SAMD3: variants seen among roughly 807,000 people sequenced by gnomAD.
SAMD3 encodes sterile alpha motif domain-containing protein 3.
In SAMD3, 63 loss-of-function variants were observed where a neutral mutation model predicts 58.5. The ratio of observed to expected loss-of-function variants is 1.08; its 90% confidence interval spans 0.88 to 1.33. The LOEUF (loss-of-function observed/expected upper bound fraction) is 1.33. Ranked by LOEUF, SAMD3 falls within the 40% of genes most tolerant of loss-of-function variation. The pLI is 0.00. For missense variants in SAMD3, 604 were observed against 608.4 expected (o/e 0.99, Z 0.08); for synonymous variants, 220 against 210.3 (o/e 1.05, Z -0.40).
chr6:130,274,732 AG>A (rs1774711931), intron 2 of SAMD3, among the ~76,000 whole-genome samples: 1 of 150,574 alleles, frequency 6.6e-6, no homozygotes, highest in African/African-American at 2.4e-5. Flanking sequence ...GTTCTGATAA[AG>A]GCAGTTTGGC....
intron 2 of SAMD3, among the ~76,000 whole-genome samples, chr6:130,235,318 G>C (rs1370403785): frequency 6.6e-6 from 1 of 152,108 alleles, no homozygotes; most frequent in Non-Finnish European, 1.5e-5. Context: ...TGTTATTTTT[G>C]CAAGTCCTTT....
chr6:130,255,172 A>G (rs1257686653), intron 2 of SAMD3, among the ~76,000 whole-genome samples: 4 of 152,146 alleles, frequency 2.6e-5, no homozygotes, highest in Non-Finnish European at 5.9e-5. Context: ...ACTTTATATG[A>G]TTTCAGTTTT....
At chr6:130,205,622 C>T (rs1434298299) in intron 5 of SAMD3, among the ~76,000 whole-genome samples, 3 of 152,144 alleles carry the variant, frequency 2.0e-5, no homozygotes, top group Non-Finnish European at 2.9e-5. Flanking sequence ...CATTTTAAAG[C>T]TCCTATTGAG....
At chr6:130,164,983 T>C (rs1042285086) in intron 8 of SAMD3, among the ~76,000 whole-genome samples, 2 of 152,142 alleles carry the variant, frequency 1.3e-5, no homozygotes, top group South Asian at 2.1e-4. Context: ...CCCAAAACCA[T>C]GAGACAAAAA....
intron 8 of SAMD3, among the ~76,000 whole-genome samples, chr6:130,158,234 A>C (rs1373130975): frequency 6.6e-6 from 1 of 152,202 alleles, no homozygotes; most frequent in Non-Finnish European, 1.5e-5. Context: ...ACTCATTTGA[A>C]AGATTAAAAA....
chr6:130,308,541 T>C (rs1186231568), intron 2 of SAMD3, among the ~76,000 whole-genome samples: 2 of 151,816 alleles, frequency 1.3e-5, no homozygotes, highest in African/African-American at 2.4e-5. Context: ...CCAATTTTGA[T>C]GGTAACACAT....
chr6:130,365,482 G>A (rs1430445384), upstream of SAMD3: 2 of 985,304 alleles, frequency 2.0e-6, no homozygotes, highest in African/African-American at 1.7e-5. Flanking sequence ...GGGGGACCCC[G>A]GCCCGCCGGG....
At chr6:130,336,888 T>A (rs1384402814) in intron 1 of SAMD3, among the ~76,000 whole-genome samples, 2 of 152,208 alleles carry the variant, frequency 1.3e-5, no homozygotes, top group Non-Finnish European at 2.9e-5. Flanking sequence ...ATGTTTATAC[T>A]CATGCAAATA....
intron 2 of SAMD3, among the ~76,000 whole-genome samples, chr6:130,283,502 G>A (rs1441271265): frequency 3.9e-5 from 6 of 152,108 alleles, no homozygotes; most frequent in African/African-American, 1.2e-4. Flanking sequence ...GGCAATCAGC[G>A]AGAAAATACA....
At chr6:130,211,276 A>ATTTTTTTTTTTTTTTTTTTTTTTT (rs762531402) in intron 4 of SAMD3, among the ~76,000 whole-genome samples, 1 of 93,840 alleles carries the variant, frequency 1.1e-5, no homozygotes, top group Non-Finnish European at 2.3e-5. Flanking sequence ...GCCAATCAGA[A>ATTTTTTTTTTTTTTTTTTTTTTTT]TTTTTTTTTT....
intron 1 of SAMD3, among the ~76,000 whole-genome samples, chr6:130,347,809 G>C (rs1267465080): frequency 6.6e-6 from 1 of 152,174 alleles, no homozygotes; most frequent in African/African-American, 2.4e-5. Context: ...AGGAAAAAAT[G>C]TTAAGGGCAG....
At position 130,214,364 on chromosome 6, in the gene SAMD3, A is replaced by C; in HGVS notation, c.242T>G (p.Leu81Arg). 2 of 1,605,428 alleles carry C rather than the reference A, an allele frequency of 1.2e-6. No individual in the cohort carries two copies. Among genetic ancestry groups the C allele is most frequent in the South Asian group, 2.2e-5 (2 of 89,282 alleles). The change falls in exon 4 of 12, where the codon CTG (leucine) becomes CGG (arginine). Residue 81 changes from leucine (L) to arginine (R), a missense_variant. Physicochemically the swap from Leu to Arg is moderately radical, Grantham distance 102. Coordinates refer to ENST00000439090, the MANE Select transcript of SAMD3 (RefSeq NM_001017373.4). Reference protein sequence around the residue: ...KSPENPKKAALVMQTEAARDY... With the variant: ...KSPENPKKAARVMQTEAARDY... Reference sequence around the variant, plus strand: ...TCGAGCTGCTTCTGTTTGCATGACCAGGGCTGCCTTTTTGGGGTTTTCTGG... The same window carrying C: ...TCGAGCTGCTTCTGTTTGCATGACCCGGGCTGCCTTTTTGGGGTTTTCTGG...
Position 130,215,220 on chromosome 6 carries a change from T to G in SAMD3, c.54A>C (p.Leu18Phe). The G allele has an allele frequency of 6.2e-7, 1 of 1,608,816 alleles. No individual in the cohort carries two copies. Residue 18 changes from leucine (L) to phenylalanine (F), a missense_variant, in exon 3 of 12, where the codon TTA (leucine) becomes TTC (phenylalanine). By Grantham distance (22) the Leu-to-Phe change is conservative (BLOSUM62 0). Coordinates refer to ENST00000439090, the MANE Select transcript of SAMD3 (RefSeq NM_001017373.4). ...QVCSWLVEKN[L>F]GELVHRFQEE... ...CTTGAAATCTATGAACTAGCTCTCC[T>G]AAATTTTTCTCCACCAACCAACTGC...
At chr6:130,173,230 G>A (rs140986874) in intron 8 of SAMD3, among the ~76,000 whole-genome samples, 1 of 152,086 alleles carries the variant, frequency 6.6e-6, no homozygotes, top group East Asian at 1.9e-4. Flanking sequence ...TGCCCTTGTT[G>A]GAAAGGAGTT....
intron 1 of SAMD3, among the ~76,000 whole-genome samples, chr6:130,358,340 T>A (rs1338780860): frequency 6.6e-6 from 1 of 152,228 alleles, no homozygotes; most frequent in African/African-American, 2.4e-5. Context: ...AAGCTTTCAA[T>A]TCTGATTGCA....
chr6:130,307,038 C>A (rs781582590), intron 2 of SAMD3, among the ~76,000 whole-genome samples: 1 of 152,190 alleles, frequency 6.6e-6, no homozygotes, highest in Non-Finnish European at 1.5e-5. Flanking sequence ...CTTTTTGAAT[C>A]ATTTTAATAC....
intron 2 of SAMD3, among the ~76,000 whole-genome samples, chr6:130,258,056 G>C (rs1773983515): frequency 6.6e-6 from 1 of 151,558 alleles, no homozygotes; most frequent in Admixed American, 6.6e-5. Context: ...TAATTATTGT[G>C]AGTGTTCCGT....
At chr6:130,283,693 C>T (rs1386156911) in intron 2 of SAMD3, among the ~76,000 whole-genome samples, 1 of 151,722 alleles carries the variant, frequency 6.6e-6, no homozygotes, top group East Asian at 1.9e-4. Context: ...AATTTTTTGA[C>T]AAAATTAAGA....
chr6:130,229,916 A>T (rs1796495567), intron 2 of SAMD3, among the ~76,000 whole-genome samples: 1 of 152,188 alleles, frequency 6.6e-6, no homozygotes, highest in Non-Finnish European at 1.5e-5. Flanking sequence ...CAAACAGATA[A>T]CTACAGACTC....
Sources: gnomAD v4.1 joint callset for allele counts (sites outside exome capture counted in the v4.1 genomes callset) on GRCh38, gnomAD v4.1.1 for gene constraint, MANE v1.5 for transcripts, NCBI Gene and HGNC (gene_info 2026-07-23, HGNC 2026-07-21) for gene names.